MYO1D: variants seen among roughly 807,000 people sequenced by gnomAD.
MYO1D encodes myosin ID, also known as unconventional myosin-Id.
MYO1D carries 83 observed loss-of-function variants against 122.0 expected under a neutral mutation model. That is an observed-to-expected ratio of 0.68 (90% CI 0.57 to 0.82). The LOEUF (loss-of-function observed/expected upper bound fraction) is 0.82, where lower values mean the gene tolerates loss of function less well. MYO1D is among the 40% of genes least tolerant of loss of function. The probability of loss-of-function intolerance (pLI) is 0.00; values close to 1 mark genes in which losing one functional copy is unlikely to be tolerated. For missense variants in MYO1D, 1,157 were observed against 1,269.5 expected (o/e 0.91, Z 1.35); for synonymous variants, 464 against 446.9 (o/e 1.04, Z -0.48).
chr17:32,771,889 A>C (rs960271682), intron 5 of MYO1D, among the ~76,000 whole-genome samples: 4 of 152,244 alleles, frequency 2.6e-5, no homozygotes, highest in Non-Finnish European at 5.9e-5. Context: ...CACAATATTG[A>C]CAGTGCTTTT....
At chr17:32,857,248 C>T (rs1441623259) in intron 1 of MYO1D, among the ~76,000 whole-genome samples, 1 of 152,150 alleles carries the variant, frequency 6.6e-6, no homozygotes, top group Non-Finnish European at 1.5e-5. Flanking sequence ...GGAATCTAAT[C>T]CTGTCTTCCC....
chr17:32,826,718 TAA>T (rs1567661092), intron 1 of MYO1D, among the ~76,000 whole-genome samples: 2 of 152,214 alleles, frequency 1.3e-5, no homozygotes, highest in Non-Finnish European at 2.9e-5. Context: ...AAACTAGTAC[TAA>T]TAGCAAACTA....
chr17:32,831,307 T>G (rs185533304), intron 1 of MYO1D, among the ~76,000 whole-genome samples: 10 of 152,206 alleles, frequency 6.6e-5, no homozygotes, highest in Non-Finnish European at 1.5e-4. Flanking sequence ...TTTTTGTTAT[T>G]TTTTGCTGTC....
At chr17:32,875,293 G>C (rs570137882) in intron 1 of MYO1D, among the ~76,000 whole-genome samples, 1 of 152,348 alleles carries the variant, frequency 6.6e-6, no homozygotes, top group East Asian at 1.9e-4. Context: ...CTATGAAATT[G>C]CTATGTAACT....
chr17:32,710,884 C>T (rs2089367391), intron 16 of MYO1D, among the ~76,000 whole-genome samples: 1 of 152,144 alleles, frequency 6.6e-6, no homozygotes, highest in Non-Finnish European at 1.5e-5. Flanking sequence ...ATCATTCTAT[C>T]TATTAATCTG....
At chr17:32,867,063 C>A (rs1012722477) in intron 1 of MYO1D, among the ~76,000 whole-genome samples, 59 of 152,050 alleles carry the variant, frequency 3.9e-4, no homozygotes, top group African/African-American at 1.4e-3. Context: ...CTGTAGGAAG[C>A]CCTTAAAAGA....
rs1281629028 is a variant in MYO1D, at chr17:32,493,912, C to G, written c.*847G>C. ...CGGCCGACCCTGAGGGCTGCCCTCA[C>G]CCTGGCAGCTCCCCGTTCTCATTAG... On this transcript the variant is annotated 3_prime_UTR_variant, in exon 22 of 22. Transcript: ENST00000318217. The G allele has an allele frequency of 2.0e-5, 3 of 152,270 alleles. No individual in the cohort carries two copies. The highest frequency in any genetic ancestry group is 4.4e-5 in the Non-Finnish European group (3 of 68,064). The allele number at this position is 152,270 out of a possible 1,614,324, so 9.4% of individuals were successfully genotyped here. A position where few individuals can be genotyped will look rare whatever the true frequency, so the allele number is the denominator to read the frequency against.
chr17:32,704,040 C>T (rs1420488232), intron 16 of MYO1D, among the ~76,000 whole-genome samples: 2 of 152,220 alleles, frequency 1.3e-5, no homozygotes, highest in South Asian at 2.1e-4. Flanking sequence ...GCTCCATCCA[C>T]GTGTTTGCTG....
intron 10 of MYO1D, among the ~76,000 whole-genome samples, chr17:32,758,995 G>T (rs2089974817): frequency 6.6e-6 from 1 of 152,016 alleles, no homozygotes; most frequent in Non-Finnish European, 1.5e-5. Context: ...GGATATTTTT[G>T]ACTAGTACCT....
intron 1 of MYO1D, among the ~76,000 whole-genome samples, chr17:32,801,684 T>C (rs1007386876): frequency 6.6e-6 from 1 of 152,042 alleles, no homozygotes; most frequent in African/African-American, 2.4e-5. Context: ...GACAAAGAAA[T>C]AGATGTAGAC....
intron 21 of MYO1D, among the ~76,000 whole-genome samples, chr17:32,515,927 G>T (rs1264454974): frequency 1.3e-5 from 2 of 152,172 alleles, no homozygotes; most frequent in Non-Finnish European, 2.9e-5. Flanking sequence ...TTGTCTCATT[G>T]CGGTAAAAGA....
intron 21 of MYO1D, among the ~76,000 whole-genome samples, chr17:32,601,642 C>T (rs1415711319): frequency 3.9e-5 from 6 of 152,224 alleles, no homozygotes; most frequent in African/African-American, 1.2e-4. Context: ...TGACCTTCTC[C>T]TCTCTAGCTA....
At chr17:32,852,763 G>A (rs2091000061) in intron 1 of MYO1D, among the ~76,000 whole-genome samples, 1 of 152,012 alleles carries the variant, frequency 6.6e-6, no homozygotes, top group African/African-American at 2.4e-5. Context: ...CAAGAATCAT[G>A]TATTTATAAA....
chr17:32,528,114 G>T (rs1220295673), intron 21 of MYO1D, among the ~76,000 whole-genome samples: 1 of 152,230 alleles, frequency 6.6e-6, no homozygotes, highest in Admixed American at 6.5e-5. Context: ...TGGGATTACA[G>T]GCGTGAGCCA....
chr17:32,670,703 G>C (rs529022594), intron 16 of MYO1D, among the ~76,000 whole-genome samples: 1 of 152,140 alleles, frequency 6.6e-6, no homozygotes, highest in South Asian at 2.1e-4. Flanking sequence ...CTTTCGACTG[G>C]TGCCTTTGTT....
At chr17:32,606,657 T>C (rs948153384) in intron 20 of MYO1D, among the ~76,000 whole-genome samples, 39 of 152,332 alleles carry the variant, frequency 2.6e-4, no homozygotes, top group African/African-American at 8.2e-4. Context: ...CATCTATCCA[T>C]GATAAAAATT....
intron 21 of MYO1D, among the ~76,000 whole-genome samples, chr17:32,561,382 T>A (rs7208674): frequency 2.6e-5 from 4 of 151,658 alleles, no homozygotes; most frequent in African/African-American, 4.9e-5. Context: ...AATTCATACA[T>A]GTTTATTGTA....
chr17:32,739,919 C>A (rs2089754194), intron 13 of MYO1D, among the ~76,000 whole-genome samples: 1 of 152,178 alleles, frequency 6.6e-6, no homozygotes, highest in South Asian at 2.1e-4. Context: ...TCCCAGCCCC[C>A]ACCATCACCA....
intron 21 of MYO1D, among the ~76,000 whole-genome samples, chr17:32,568,390 A>C (rs2087193214): frequency 6.6e-6 from 1 of 152,144 alleles, no homozygotes; most frequent in African/African-American, 2.4e-5. Context: ...GTTTCATTCT[A>C]CTTCTGTCTG....
Sources: allele counts gnomAD v4.1 joint callset (sites outside exome capture counted in the v4.1 genomes callset), GRCh38; gene constraint gnomAD v4.1.1; transcripts MANE v1.5; gene names NCBI Gene and HGNC (gene_info 2026-07-23, HGNC 2026-07-21).